The following PODXL variants were observed in gnomAD, a reference collection of about 807,000 sequenced individuals.
PODXL encodes podocalyxin.
A neutral mutation model predicts 48.9 loss-of-function variants in PODXL; 20 were observed. The observed-to-expected ratio is 0.41, with a 90% CI of 0.29 to 0.59. PODXL has a LOEUF of 0.59. Among genes scored for constraint, PODXL ranks in the 20% least tolerant of loss-of-function variants. The pLI, the probability that PODXL is intolerant of heterozygous loss-of-function variation, is 0.31. For synonymous variants in PODXL, 295 were observed against 287.4 expected, an observed-to-expected ratio of 1.03 and a Z score of -0.27; for missense variants, 606 against 675.1, an observed-to-expected ratio of 0.90 and a Z score of 1.13.
intron 1 of PODXL, among the ~76,000 whole-genome samples, chr7:131,537,360 T>C (rs1798392114): frequency 6.6e-6 from 1 of 151,222 alleles, no homozygotes; most frequent in Non-Finnish European, 1.5e-5. Context: ...ATCCCAGCAC[T>C]TTGGGAGGCC....
chr7:131,518,214 T>G (rs1469847633), intron 1 of PODXL, among the ~76,000 whole-genome samples: 1 of 152,182 alleles, frequency 6.6e-6, no homozygotes, highest in Non-Finnish European at 1.5e-5. Flanking sequence ...GCGGGGGGAA[T>G]GCCATTCGCT....
chr7:131,521,025 G>A (rs894159737), intron 1 of PODXL, among the ~76,000 whole-genome samples: 6 of 152,070 alleles, frequency 3.9e-5, no homozygotes, highest in South Asian at 2.1e-4. Context: ...AAAATTAGCC[G>A]GGCGTGGTGG....
In PODXL at chr7:131,502,806, G is replaced by A. The variant is rs1228672467; in HGVS notation, c.*1505C>T. The A allele has an allele frequency of 6.6e-6, 1 of 152,636 alleles. No individual in the cohort carries two copies. Among genetic ancestry groups the A allele is most frequent in the Non-Finnish European group, 1.5e-5 (1 of 68,070 alleles). 9.5% of individuals were successfully genotyped at this position (152,636 alleles called of 1,614,324 possible). ...CTTCTACATGGCAGCTAACTGCCGA[G>A]CCCATAAAAGTCCTATATTGGGGAA... On this transcript the variant is annotated 3_prime_UTR_variant, in exon 9 of 9. Transcript: ENST00000378555.
Position 131,501,041 on chromosome 7 carries a change from C to G in PODXL, c.*3270G>C, listed in dbSNP as rs1177192726. 6.6e-6 allele frequency: 1 copy of G among 152,192 alleles called. No individual in the cohort carries two copies. Among genetic ancestry groups the G allele is most frequent in the African/African-American group, 2.4e-5 (1 of 41,398 alleles). 9.4% of individuals were successfully genotyped at this position (152,192 alleles called of 1,614,324 possible). A position where few individuals can be genotyped will look rare whatever the true frequency, so the allele number is the denominator to read the frequency against. On this transcript the variant is annotated 3_prime_UTR_variant, in exon 9 of 9. Transcript: ENST00000378555. The stretch of plus-strand genomic sequence containing the variant: ...GCCTGCCAACCAGAGCATATTGACT[C>G]CAACCTTTACTGAAATGGAGCTGTG...
intron 1 of PODXL, among the ~76,000 whole-genome samples, chr7:131,551,163 G>T (rs1276566261): frequency 6.6e-6 from 1 of 152,168 alleles, no homozygotes; most frequent in African/African-American, 2.4e-5. Context: ...CCCGTCATTT[G>T]GCCTGTGCAG....
At chr7:131,526,120 G>A (rs1253420967) in intron 1 of PODXL, among the ~76,000 whole-genome samples, 2 of 152,186 alleles carry the variant, frequency 1.3e-5, no homozygotes, top group Non-Finnish European at 2.9e-5. Flanking sequence ...AGGCTCCTTG[G>A]AGAAAGGGCT....
At position 131,556,542 on chromosome 7, in the gene PODXL, C is replaced by A; in HGVS notation, c.-183G>T. On this transcript the variant is annotated 5_prime_UTR_variant, in exon 1 of 9. Transcript: ENST00000378555. ...CTTCCTCCCTGCCGCTGCAGCAGAG[C>A]CGGGCTGGGGCGCAGAGCCAGTGGC... The A allele has an allele frequency of 1.5e-6, 1 of 681,548 alleles. No individual in the cohort carries two copies. The highest frequency in any genetic ancestry group is 1.9e-5 in the African/African-American group (1 of 53,122). The allele number at this position is 681,548 out of a possible 1,614,324, so 42.2% of individuals were successfully genotyped here.
intron 2 of PODXL, among the ~76,000 whole-genome samples, 165 bp downstream of exon 2, chr7:131,510,663 G>A (rs898619565): frequency 3.4e-4 from 51 of 152,040 alleles, no homozygotes; most frequent in Admixed American, 2.8e-3. Context: ...GTAGAGACAG[G>A]GTTTCGCCAT....
At chr7:131,541,449 A>G (rs1166998217) in intron 1 of PODXL, among the ~76,000 whole-genome samples, 1 of 152,114 alleles carries the variant, frequency 6.6e-6, no homozygotes, top group Non-Finnish European at 1.5e-5. Flanking sequence ...GCACTTTGGG[A>G]GGCCGAGGCG....
At chr7:131,532,862 G>C (rs938165372) in intron 1 of PODXL, among the ~76,000 whole-genome samples, 2 of 152,112 alleles carry the variant, frequency 1.3e-5, no homozygotes, top group African/African-American at 4.8e-5. Flanking sequence ...TCTCTGCCCG[G>C]TGAGGTCACA....
At chr7:131,555,180 C>A (rs2116878630) in intron 1 of PODXL, among the ~76,000 whole-genome samples, 1 of 152,290 alleles carries the variant, frequency 6.6e-6, no homozygotes, top group Non-Finnish European at 1.5e-5. Context: ...GGCACCTGCT[C>A]ACAGCAGAAT....
Position 131,503,043 on chromosome 7 carries a change from A to T in PODXL, c.*1268T>A, listed in dbSNP as rs976638457. The T allele has an allele frequency of 6.5e-6, 1 of 152,692 alleles. No individual in the cohort carries two copies. The highest frequency in any genetic ancestry group is 2.4e-5 in the African/African-American group (1 of 41,454). 9.5% of individuals were successfully genotyped at this position (152,692 alleles called of 1,614,324 possible). On this transcript the variant is annotated 3_prime_UTR_variant, in exon 9 of 9. Transcript: ENST00000378555. ...CCCTCTTTTCCTGTGGCACAGGAGA[A>T]TCAGAGTGAGTGAGATGAGCTAACT...
At chr7:131,536,179 A>G (rs771855923) in intron 1 of PODXL, among the ~76,000 whole-genome samples, 5 of 152,232 alleles carry the variant, frequency 3.3e-5, no homozygotes, top group Non-Finnish European at 5.9e-5. Flanking sequence ...ACTGGGAAAA[A>G]ATATTTGCAA....
At chr7:131,506,121 T>A in intron 7 of PODXL, 86 bp from the exon 8 acceptor site, 1 of 1,550,232 alleles carries the variant, frequency 6.5e-7, no homozygotes. Flanking sequence ...CCGCTTGCAG[T>A]CTGCTAGGGT....
At chr7:131,513,200 T>G (rs1797943272) in intron 1 of PODXL, among the ~76,000 whole-genome samples, 1 of 151,194 alleles carries the variant, frequency 6.6e-6, no homozygotes, top group South Asian at 2.1e-4. Flanking sequence ...GAAAGAAGAG[T>G]GTGTGGAAGA....
intron 1 of PODXL, among the ~76,000 whole-genome samples, chr7:131,527,298 A>G (rs1222843537): frequency 6.6e-6 from 1 of 152,234 alleles, no homozygotes; most frequent in East Asian, 1.9e-4. Flanking sequence ...AATCTAAAGA[A>G]TAATATTAGG....
intron 7 of PODXL, 77 bp downstream of exon 7, chr7:131,506,183 C>T (rs1797797964): frequency 1.9e-6 from 3 of 1,572,914 alleles, no homozygotes; most frequent in Admixed American, 1.7e-5. Context: ...TTCCTCCCCA[C>T]AGAGAGAGGG....
Position 131,523,329 on chromosome 7 carries a change from G to A in PODXL, c.101-11896C>T, listed in dbSNP as rs191695464. Among the ~76,000 whole-genome samples, 7 of 152,254 alleles carry A rather than the reference G, an allele frequency of 4.6e-5. No individual in the cohort carries two copies. The South Asian group carries it at 1.5e-3, about 32-fold the overall frequency. ...TAATGACCAAGTGAGGCTCATCATG[G>A]ACAGTTCAGTATTTGAAAAATCAAT... On this transcript the variant is annotated intron_variant, in intron 1 of 8. Transcript: ENST00000378555.
At chr7:131,534,351 C>T (rs1798332758) in intron 1 of PODXL, among the ~76,000 whole-genome samples, 1 of 152,238 alleles carries the variant, frequency 6.6e-6, no homozygotes, top group Admixed American at 6.5e-5. Context: ...GAAGTGTTTC[C>T]TCACCGGCTC....
Sources: allele counts gnomAD v4.1 joint callset (sites outside exome capture counted in the v4.1 genomes callset), GRCh38; gene constraint gnomAD v4.1.1; transcripts MANE v1.5; gene names NCBI Gene and HGNC (gene_info 2026-07-23, HGNC 2026-07-21).